UNC5D: variants seen among roughly 807,000 people sequenced by gnomAD.
UNC5D encodes the protein unc-5 netrin receptor D.
A neutral mutation model predicts 105.4 loss-of-function variants in UNC5D; 39 were observed. The ratio of observed to expected loss-of-function variants is 0.37; its 90% CI spans 0.29 to 0.48. UNC5D has a LOEUF of 0.48. Among genes scored for constraint, UNC5D ranks in the 20% least tolerant of loss-of-function variants. The probability of loss-of-function intolerance (pLI) is 0.98; values close to 1 mark genes in which losing one functional copy is unlikely to be tolerated. For synonymous variants in UNC5D, 452 were observed against 450.4 expected (o/e 1.00, Z -0.04); for missense variants, 991 against 1,202.4 (o/e 0.82, Z 2.60).
At chr8:35,688,596 A>G (rs938811177) in intron 7 of UNC5D, among the ~76,000 whole-genome samples, 2 of 152,224 alleles carry the variant, frequency 1.3e-5, no homozygotes, top group Admixed American at 6.5e-5. Flanking sequence ...TAGTTTGGGT[A>G]TGCTCTCCAA....
intron 4 of UNC5D, among the ~76,000 whole-genome samples, chr8:35,637,991 A>G (rs762174274): frequency 8.5e-5 from 13 of 152,164 alleles, no homozygotes; most frequent in Non-Finnish European, 1.6e-4. Flanking sequence ...TGGGTATCTT[A>G]AGAAGGATGG....
chr8:35,451,087 G>A (rs111282540), intron 1 of UNC5D, among the ~76,000 whole-genome samples: 16,601 of 146,974 alleles, frequency 0.11, 1,149 homozygotes, highest in African/African-American at 0.19. Context: ...CTTGTTTCCC[G>A]GGCTGGAATG....
chr8:35,574,879 T>A (rs907612438), intron 3 of UNC5D, among the ~76,000 whole-genome samples: 4 of 152,152 alleles, frequency 2.6e-5, no homozygotes, highest in African/African-American at 9.7e-5. Context: ...ATCTATTTTT[T>A]TTTTATCCTT....
chr8:35,271,401 GTA>G (rs1805315545), intron 1 of UNC5D, among the ~76,000 whole-genome samples: 1 of 138,072 alleles, frequency 7.2e-6, no homozygotes, highest in Non-Finnish European at 1.6e-5. Flanking sequence ...ATGCACGTGT[GTA>G]TGTATATGTA....
chr8:35,425,698 C>G (rs1806202911), intron 1 of UNC5D, among the ~76,000 whole-genome samples: 1 of 152,168 alleles, frequency 6.6e-6, no homozygotes, highest in Non-Finnish European at 1.5e-5. Flanking sequence ...CCTCTGGCAC[C>G]TTTTCTGCCA....
intron 1 of UNC5D, among the ~76,000 whole-genome samples, chr8:35,511,486 A>C: frequency 6.6e-6 from 1 of 151,714 alleles, no homozygotes. Context: ...AAAAAAAAAA[A>C]AAAAAAAAAG....
rs775277908 is a variant in UNC5D at position 35,595,628 on chromosome 8, C to T, written c.541C>T (p.Arg181Cys). 2.5e-6 allele frequency: 4 copies of T among 1,614,012 alleles called. No homozygotes were observed. Among genetic ancestry groups the T allele is most frequent in the South Asian group, 1.1e-5 (1 of 91,074 alleles). ...PIEGMIVLHC[R>C]PPEGVPAAEV... ...TGAAGGCATGATTGTACTGCACTGC[C>T]GCCCACCAGAGGGAGTCCCTGCTGC... The change falls in exon 4 of 17, where the codon CGC becomes TGC. Residue 181 changes from arginine (R) to cysteine (C), a missense_variant. Physicochemically the swap from Arg to Cys is radical, Grantham distance 180. Transcript: ENST00000404895.
intron 1 of UNC5D, among the ~76,000 whole-genome samples, chr8:35,257,927 T>A (rs1804193801): frequency 6.6e-6 from 1 of 152,262 alleles, no homozygotes; most frequent in African/African-American, 2.4e-5. Context: ...TTATTCATTT[T>A]CAATTCATTC....
chr8:35,300,446 C>CAAAAAAAAAAA lies in UNC5D; in HGVS notation c.103+64597_103+64607dup, dbSNP rs752599540. Among the ~76,000 whole-genome samples the CAAAAAAAAAAA allele has an allele frequency of 8.6e-5, 5 of 58,398 alleles. 1 individual carries two copies. Among genetic ancestry groups the CAAAAAAAAAAA allele is most frequent in the African/African-American group, 1.9e-4 (3 of 15,602 alleles). The allele number at this position is 58,398 out of a possible 152,430, so 38.3% of individuals were successfully genotyped here. On this transcript the variant is annotated intron_variant, in intron 1 of 16. Coordinates refer to ENST00000404895, the MANE Select transcript of UNC5D (RefSeq NM_080872.4). ...TGGGCAACAGAGAGAGACTCCCTCT[C>CAAAAAAAAAAA]AAAAAAAAAAAAAAAAAAAAAAAAA...
intron 6 of UNC5D, among the ~76,000 whole-genome samples, chr8:35,686,329 C>T (rs374186992): frequency 1.3e-5 from 2 of 152,288 alleles, no homozygotes; most frequent in East Asian, 3.9e-4. Context: ...TAATTGGTCT[C>T]ATCCTGAAAT....
At chr8:35,657,511 G>T (rs962490756) in intron 4 of UNC5D, among the ~76,000 whole-genome samples, 2 of 151,662 alleles carry the variant, frequency 1.3e-5, no homozygotes, top group South Asian at 2.1e-4. Context: ...TAGAGGTAAG[G>T]TCTTGCTCTG....
At chr8:35,578,225 CAAA>C (rs5890822) in intron 3 of UNC5D, among the ~76,000 whole-genome samples, 4 of 59,202 alleles carry the variant, frequency 6.8e-5, no homozygotes, top group African/African-American at 1.1e-4. Flanking sequence ...AACTCTGTCT[CAAA>C]AAAAAAAAAA....
At chr8:35,404,267 G>T (rs1359283099) in intron 1 of UNC5D, among the ~76,000 whole-genome samples, 1 of 152,124 alleles carries the variant, frequency 6.6e-6, no homozygotes, top group Middle Eastern at 3.2e-3. Context: ...GCCTCTTAAT[G>T]GTTTGTCAAG....
At chr8:35,456,508 G>A (rs1486401790) in intron 1 of UNC5D, among the ~76,000 whole-genome samples, 2 of 152,160 alleles carry the variant, frequency 1.3e-5, no homozygotes, top group Admixed American at 6.5e-5. Flanking sequence ...GCATTCATTT[G>A]CAGATTTTCA....
intron 4 of UNC5D, among the ~76,000 whole-genome samples, chr8:35,612,515 A>G (rs1033111893): frequency 2.6e-5 from 4 of 152,122 alleles, no homozygotes; most frequent in African/African-American, 9.7e-5. Context: ...AGGTCTTAGC[A>G]GCTCACTACT....
At chr8:35,545,354 T>C (rs1218343832) in intron 1 of UNC5D, among the ~76,000 whole-genome samples, 2 of 152,174 alleles carry the variant, frequency 1.3e-5, no homozygotes, top group Admixed American at 1.3e-4. Flanking sequence ...GAATTGACAG[T>C]TTCCTGAAGA....
chr8:35,266,694 T>C (rs1204939155), intron 1 of UNC5D, among the ~76,000 whole-genome samples: 6 of 152,304 alleles, frequency 3.9e-5, no homozygotes, highest in Admixed American at 6.5e-5. Flanking sequence ...TAGGGAAGAA[T>C]TGAATGCCTG....
rs1347640670 is a variant in UNC5D at position 35,726,234 on chromosome 8, C to G, written c.1386C>G (p.Asp462Glu). The change falls in exon 10 of 17, where the codon GAC becomes GAG. Residue 462 changes from aspartate (D) to glutamate (E), a missense_variant. This residue lies in a region of UNC5D where 944 missense variants were observed against 1,131.6 expected (regional missense o/e 0.83). Coordinates refer to ENST00000404895, the MANE Select transcript of UNC5D (RefSeq NM_080872.4). ...ACAGCGGACCCATCTGTCTGCAGGA[C>G]CCTCTGGACAAGGAGCTCATGACAG... ...RTYSGPICLQDPLDKELMTES... is the reference protein window; with the variant it reads ...RTYSGPICLQEPLDKELMTES... The G allele has an allele frequency of 7.4e-6, 12 of 1,614,136 alleles. No homozygotes were observed. Among genetic ancestry groups the G allele is most frequent in the Non-Finnish European group, 1.0e-5 (12 of 1,180,020 alleles).
At position 35,750,640 on chromosome 8, in the gene UNC5D, C is replaced by A. The variant is rs781317548; in HGVS notation, c.1994C>A (p.Ala665Glu). The A allele has an allele frequency of 3.1e-6, 5 of 1,613,936 alleles. No individual in the cohort carries two copies. In the Admixed American group the frequency reaches 5.0e-5, roughly 16 times the overall value. Residue 665 changes from alanine to glutamate, a missense_variant, in exon 13 of 17, where the codon GCG becomes GAG. Ala to Glu is a moderately radical substitution (Grantham distance 107, BLOSUM62 -1). This residue lies in a region of UNC5D where 944 missense variants were observed against 1,131.6 expected (regional missense o/e 0.83). Coordinates refer to ENST00000404895, the MANE Select transcript of UNC5D (RefSeq NM_080872.4). The part of the protein sequence containing the change: ...TSCYCLLDPF[A>E]CHVLLDSFGT... ...TGTTACTGCCTTTTGGACCCCTTTG[C>A]GTGTCATGTGCTCCTGGACAGCTTT...
Sources: gnomAD v4.1 joint callset for allele counts (sites outside exome capture counted in the v4.1 genomes callset) on GRCh38, gnomAD v4.1.1 for gene constraint, gnomAD v4.1.1 regional missense constraint, MANE v1.5 for transcripts, NCBI Gene and HGNC (gene_info 2026-07-23, HGNC 2026-07-21) for gene names.